The following C3orf20 variants were observed in gnomAD, a reference collection of about 807,000 sequenced individuals.
C3orf20 encodes the protein family with sequence similarity 149 member C, also known as uncharacterized protein C3orf20.
C3orf20 carries 76 observed loss-of-function variants against 88.3 expected under a neutral mutation model. The observed-to-expected ratio is 0.86, with a 90% confidence interval of 0.72 to 1.04. The LOEUF is 1.04. Among genes scored for constraint, C3orf20 ranks in the 50% least tolerant of loss-of-function variants. The pLI, the probability that C3orf20 is intolerant of heterozygous loss-of-function variation, is 0.00. For synonymous variants in C3orf20, 436 were observed against 437.4 expected (o/e 1.00, Z 0.04); for missense variants, 1,056 against 1,123.3 (o/e 0.94, Z 0.86).
chr3:14,771,210 G>C (rs6762734), intron 15 of C3orf20, among the ~76,000 whole-genome samples: 4,635 of 152,362 alleles, frequency 0.03, 235 homozygotes, highest in African/African-American at 0.1. Context: ...TGATGCAGCA[G>C]GTCCTCACCA....
At chr3:14,730,169 G>T (rs554419902) in intron 12 of C3orf20, among the ~76,000 whole-genome samples, 1 of 152,142 alleles carries the variant, frequency 6.6e-6, no homozygotes, top group Non-Finnish European at 1.5e-5. Flanking sequence ...TTGGTGTCTG[G>T]CATCTTTGTC....
At chr3:14,753,135 A>G (rs940438115) in intron 12 of C3orf20, among the ~76,000 whole-genome samples, 1 of 152,252 alleles carries the variant, frequency 6.6e-6, no homozygotes, top group South Asian at 2.1e-4. Context: ...TGGCACATAT[A>G]CACCATGGAA....
chr3:14,721,526 A>T (rs1233802318), intron 9 of C3orf20, 127 bp from the exon 10 acceptor site: 4 of 1,331,534 alleles, frequency 3.0e-6, no homozygotes, highest in Non-Finnish European at 4.1e-6. Context: ...CTAACATAAG[A>T]ACTGGAAAGC....
chr3:14,728,262 G>A (rs1043149515), intron 11 of C3orf20, among the ~76,000 whole-genome samples, 177 bp from the exon 12 acceptor site: 5 of 152,184 alleles, frequency 3.3e-5, no homozygotes, highest in Non-Finnish European at 7.3e-5. Flanking sequence ...ACTGATGAGT[G>A]CACTGGGACA....
intron 5 of C3orf20, among the ~76,000 whole-genome samples, chr3:14,700,287 A>C (rs983833397): frequency 6.6e-6 from 1 of 152,022 alleles, no homozygotes; most frequent in Non-Finnish European, 1.5e-5. Flanking sequence ...TGGTGTTCCT[A>C]TGGGGAGAAC....
At chr3:14,680,360 A>G (rs1435897762) in intron 1 of C3orf20, among the ~76,000 whole-genome samples, 2 of 152,228 alleles carry the variant, frequency 1.3e-5, no homozygotes, top group East Asian at 3.8e-4. Context: ...TATAACATGG[A>G]TGAATTTAAA....
chr3:14,710,673 G>A (rs1385807039), intron 7 of C3orf20, among the ~76,000 whole-genome samples: 1 of 151,954 alleles, frequency 6.6e-6, no homozygotes, highest in African/African-American at 2.4e-5. Flanking sequence ...GTGATTTCTA[G>A]TTTCATTCCA....
chr3:14,762,414 C>T (rs1162907746), intron 15 of C3orf20, among the ~76,000 whole-genome samples: 1 of 152,184 alleles, frequency 6.6e-6, no homozygotes, highest in Non-Finnish European at 1.5e-5. Flanking sequence ...CAGGAAGGAG[C>T]CTGCGCTGCA....
intron 8 of C3orf20, among the ~76,000 whole-genome samples, chr3:14,714,778 A>C (rs1005461965): frequency 5.9e-5 from 9 of 151,958 alleles, no homozygotes; most frequent in African/African-American, 2.2e-4. Context: ...ATAATTTTTT[A>C]AATTTTTTTG....
Position 14,681,585 on chromosome 3 carries a change from G to T in C3orf20, c.-298-585G>T, listed in dbSNP as rs564086730. Reference sequence around the variant, plus strand: ...CTAAGTCTCCCTGGGGTTGACCTTTGCTACGTGCTGTGGATTCTTGAGTCT... The same window carrying T: ...CTAAGTCTCCCTGGGGTTGACCTTTTCTACGTGCTGTGGATTCTTGAGTCT... On this transcript the variant is annotated intron_variant, in intron 1 of 16. Coordinates refer to ENST00000253697, the MANE Select transcript of C3orf20 (RefSeq NM_032137.5). 2.0e-4 allele frequency among the ~76,000 whole-genome samples: 31 copies of T among 152,316 alleles called. 1 individual carries two copies. The Middle Eastern group carries it at 0.014, about 67-fold the overall frequency.
chr3:14,767,798 G>T (rs1375020281), intron 15 of C3orf20, among the ~76,000 whole-genome samples: 1 of 152,254 alleles, frequency 6.6e-6, no homozygotes, highest in African/African-American at 2.4e-5. Context: ...CGCCCTCACG[G>T]GCCTGCTCTC....
In C3orf20 at chr3:14,759,997, T is replaced by C. The variant is rs2035509018; in HGVS notation, c.2351T>C (p.Leu784Pro). The change falls in exon 14 of 17, where the codon CTG becomes CCG. Residue 784 changes from leucine (L) to proline (P), a missense_variant and splice_region_variant. Transcript: ENST00000253697. ...KKNSVVQGMILMFAGGKLIFG... is the reference protein window; with the variant it reads ...KKNSVVQGMIPMFAGGKLIFG... ...AACTCTGTGGTGCAGGGGATGATTC[T>C]GGTGAGCCAGCAGGGACTTGCTATC... 1.2e-6 allele frequency: 2 copies of C among 1,612,866 alleles called. No homozygotes were observed. The highest frequency in any genetic ancestry group is 1.7e-4 in the Middle Eastern group (1 of 6,052).
intron 1 of C3orf20, among the ~76,000 whole-genome samples, chr3:14,676,630 C>A (rs759146439): frequency 2.6e-5 from 4 of 152,162 alleles, no homozygotes; most frequent in East Asian, 1.9e-4. Context: ...CTCCTCCCCC[C>A]CATTTTGAAA....
At chr3:14,677,230 G>A (rs1372219234) in intron 1 of C3orf20, among the ~76,000 whole-genome samples, 1 of 152,184 alleles carries the variant, frequency 6.6e-6, no homozygotes, top group Admixed American at 6.5e-5. Context: ...TAAGTATACA[G>A]CTGTGTATAC....
chr3:14,752,803 A>G (rs2125024542), intron 12 of C3orf20, among the ~76,000 whole-genome samples: 1 of 152,372 alleles, frequency 6.6e-6, no homozygotes. Flanking sequence ...ATCTCACGCC[A>G]GTTAGAATGG....
chr3:14,722,133 G>A (rs867019059), intron 10 of C3orf20: 4 of 289,694 alleles, frequency 1.4e-5, no homozygotes, highest in Non-Finnish European at 2.7e-5. Flanking sequence ...GCATCTCTTG[G>A]CTCTGCTTTC....
At chr3:14,710,555 T>A (rs2033696428) in intron 7 of C3orf20, among the ~76,000 whole-genome samples, 1 of 152,226 alleles carries the variant, frequency 6.6e-6, no homozygotes, top group Non-Finnish European at 1.5e-5. Flanking sequence ...TTTGTTTTCA[T>A]TCATTTCAAA....
At position 14,726,961 on chromosome 3, in the gene C3orf20, G is replaced by A. The variant is rs2034372748; in HGVS notation, c.1627G>A (p.Glu543Lys). ...KVYKMSRALA[E>K]IKKRFQKTVT... Reference sequence around the variant, plus strand: ...GTATAAGATGAGCCGAGCCCTGGCTGAGATCAAGAAGCGGTTTCAGAAGAC... The same window carrying A: ...GTATAAGATGAGCCGAGCCCTGGCTAAGATCAAGAAGCGGTTTCAGAAGAC... The change falls in exon 11 of 17, where the codon GAG (glutamate) becomes AAG (lysine). Residue 543 changes from glutamate (E) to lysine (K), a missense_variant. Glu to Lys is a moderately conservative substitution (Grantham distance 56). Coordinates refer to ENST00000253697, the MANE Select transcript of C3orf20 (RefSeq NM_032137.5). 6.2e-7 allele frequency: 1 copy of A among 1,614,204 alleles called. No individual in the cohort carries two copies.
chr3:14,716,949 T>C (rs1337240190), intron 9 of C3orf20, among the ~76,000 whole-genome samples: 1 of 152,204 alleles, frequency 6.6e-6, no homozygotes, highest in Non-Finnish European at 1.5e-5. Context: ...GTGTGTTGTG[T>C]TGTTTTCTTA....
Sources: gnomAD v4.1 joint callset for allele counts (sites outside exome capture counted in the v4.1 genomes callset) on GRCh38, gnomAD v4.1.1 for gene constraint, MANE v1.5 for transcripts, NCBI Gene and HGNC (gene_info 2026-07-23, HGNC 2026-07-21) for gene names.